Variants in CAPN8 observed in about 807,000 individuals in gnomAD.
CAPN8 encodes the protein calpain-8.
In CAPN8, 87 loss-of-function variants were observed where a neutral mutation model predicts 80.9. The ratio of observed to expected loss-of-function variants is 1.07; its 90% CI spans 0.90 to 1.28. The LOEUF (loss-of-function observed/expected upper bound fraction) is 1.28, where lower values mean the gene tolerates loss of function less well. Ranked by LOEUF, CAPN8 falls within the 50% of genes most tolerant of loss-of-function variation. The pLI is 0.00. For synonymous variants in CAPN8, 299 were observed against 273.8 expected, an observed-to-expected ratio of 1.09 and a Z score of -0.91; for missense variants, 757 against 702.0, an observed-to-expected ratio of 1.08 and a Z score of -0.89.
At position 223,641,652 on chromosome 1, in the gene CAPN8, A is replaced by C. The variant is rs559241644; in HGVS notation, c.307+12678T>G. Among the ~76,000 whole-genome samples, 7 of 152,230 alleles carry C rather than the reference A, an allele frequency of 4.6e-5. No homozygotes were observed. In the South Asian group the frequency reaches 1.5e-3, roughly 32 times the overall value. On this transcript the variant is annotated intron_variant, in intron 2 of 20. Coordinates refer to ENST00000366872, the MANE Select transcript of CAPN8 (RefSeq NM_001143962.2). ...CTCCCTCTCCACTCTCAGCCTTTGC[A>C]CTAACTGTTCCCTGTTTGCACCAGT...
chr1:223,617,167 G>GA (rs1312255681), intron 9 of CAPN8: 7 of 151,816 alleles, frequency 4.6e-5, no homozygotes, highest in Non-Finnish European at 7.4e-5. Context: ...GTCTAACTTG[G>GA]AAAATAACAA....
intron 17 of CAPN8, 105 bp from the exon 18 acceptor site, chr1:223,544,955 A>G (rs1247816179): frequency 1.3e-6 from 2 of 1,527,442 alleles, no homozygotes; most frequent in Non-Finnish European, 1.8e-6. Context: ...GGACACTTTC[A>G]AAAGGAGACC....
chr1:223,543,845 A>G (rs867157295), intron 19 of CAPN8, among the ~76,000 whole-genome samples: 2 of 152,344 alleles, frequency 1.3e-5, no homozygotes, highest in South Asian at 4.1e-4. Flanking sequence ...TCTCCAAAAA[A>G]GGCATCCTCC....
At chr1:223,544,381 C>T (rs1656560741) in intron 18 of CAPN8, 198 bp from the exon 19 acceptor site, 6 of 591,890 alleles carry the variant, frequency 1.0e-5, no homozygotes, top group Non-Finnish European at 1.2e-5. Context: ...TACTCCTCAC[C>T]AAGATCAGCC....
chr1:223,552,109 A>C (rs1030243235), intron 14 of CAPN8, among the ~76,000 whole-genome samples: 2 of 152,184 alleles, frequency 1.3e-5, no homozygotes, highest in African/African-American at 4.8e-5. Flanking sequence ...CTTATTCATC[A>C]TGTGACTTTA....
At chr1:223,542,311 A>G (rs1024092291) in intron 20 of CAPN8, among the ~76,000 whole-genome samples, 3 of 151,894 alleles carry the variant, frequency 2.0e-5, no homozygotes, top group African/African-American at 7.3e-5. Flanking sequence ...GTGTGTGTAT[A>G]TATGTATATT....
intron 1 of CAPN8, among the ~76,000 whole-genome samples, 191 bp from the exon 2 acceptor site, chr1:223,654,590 G>A (rs1403512855): frequency 1.3e-5 from 2 of 152,234 alleles, no homozygotes; most frequent in African/African-American, 4.8e-5. Flanking sequence ...CAGTCACACA[G>A]CCAGGGGTGA....
intron 15 of CAPN8, 64 bp downstream of exon 15, chr1:223,550,896 C>T (rs1374104744): frequency 1.4e-6 from 1 of 704,578 alleles, no homozygotes; most frequent in African/African-American, 1.8e-5. Context: ...GCCTGCCTAC[C>T]CATCCCTCAC....
At position 223,616,141 on chromosome 1, in the gene CAPN8, C is replaced by CGTG; in HGVS notation, c.1137_1139dup (p.Thr380dup). On this transcript the variant is annotated inframe_insertion, in exon 10 of 21. Transcript: ENST00000366872. ...TTTTGAACTGGGGATTGGTCCAGTACGTGGCTGGAAGTCACCCAGGTGATG... is the reference window on the plus strand; with the variant it reads ...TTTTGAACTGGGGATTGGTCCAGTACGTGGTGGCTGGAAGTCACCCAGGTGATG... The CGTG allele has an allele frequency of 1.3e-6, 2 of 1,546,494 alleles. No individual in the cohort carries two copies. The highest frequency in any genetic ancestry group is 1.8e-6 in the Non-Finnish European group (2 of 1,142,768).
intron 2 of CAPN8, among the ~76,000 whole-genome samples, chr1:223,652,455 T>C (rs1331691024): frequency 6.6e-6 from 1 of 152,152 alleles, no homozygotes; most frequent in African/African-American, 2.4e-5. Flanking sequence ...CATTAATCCA[T>C]ATCAGGCCCC....
intron 2 of CAPN8, among the ~76,000 whole-genome samples, chr1:223,635,278 C>T (rs897378396): frequency 2.6e-5 from 4 of 152,202 alleles, no homozygotes; most frequent in Non-Finnish European, 2.9e-5. Flanking sequence ...TTGGTGAACA[C>T]GCCTTTTGAA....
Position 223,609,282 on chromosome 1 carries a change from T to C in CAPN8, c.1406A>G (p.Asn469Ser). The C allele has an allele frequency of 2.5e-6, 1 of 398,432 alleles. No individual in the cohort carries two copies. Among genetic ancestry groups the C allele is most frequent in the Non-Finnish European group, 4.4e-6 (1 of 226,062 alleles). 24.7% of individuals were successfully genotyped at this position (398,432 alleles called of 1,614,324 possible). ...GGCCCGGCCAGAGACCTCCCGCAGG[T>C]TGACGTAGGTGCTGGTGCGGGCTGA... ...QPSARTSTYVNLREVSGRARL... is the reference protein window; with the variant it reads ...QPSARTSTYVSLREVSGRARL... Residue 469 changes from asparagine (N) to serine (S), a missense_variant, in exon 12 of 21, where the codon AAC becomes AGC. Physicochemically the swap from Asn to Ser is conservative, Grantham distance 46. Transcript: ENST00000366872.
chr1:223,549,628 C>G (rs1243567999), intron 15 of CAPN8: 1 of 640,198 alleles, frequency 1.6e-6, no homozygotes, highest in Non-Finnish European at 2.8e-6. Flanking sequence ...GCTTGGCTCC[C>G]CACAAGCCAC....
rs1375086038 is a variant in CAPN8 at position 223,627,041 on chromosome 1, T to C, written c.677A>G (p.Gln226Arg). 1.3e-6 allele frequency: 2 copies of C among 1,551,898 alleles called. No individual in the cohort carries two copies. The highest frequency in any genetic ancestry group is 1.7e-6 in the Non-Finnish European group (2 of 1,147,074). The change falls in exon 5 of 21, where the codon CAG (glutamine) becomes CGG (arginine). Residue 226 changes from glutamine to arginine, a missense_variant. Physicochemically the swap from Gln to Arg is conservative, Grantham distance 43. Coordinates refer to ENST00000366872, the MANE Select transcript of CAPN8 (RefSeq NM_001143962.2). ...DLKKPPANLY[Q>R]IIRKALCAGS... ...CGCACAGAGGGCCTTCCGGATGATCTGATATAGATTGGCTGGTGGTTTCTT... is the reference window on the plus strand; with the variant it reads ...CGCACAGAGGGCCTTCCGGATGATCCGATATAGATTGGCTGGTGGTTTCTT...
intron 6 of CAPN8, among the ~76,000 whole-genome samples, chr1:223,625,460 A>C (rs1657542256): frequency 6.6e-6 from 1 of 152,148 alleles, no homozygotes; most frequent in South Asian, 2.1e-4. Flanking sequence ...TTTAGAAAAA[A>C]AATTTTTAAT....
At chr1:223,652,897 G>A (rs1316404021) in intron 2 of CAPN8, among the ~76,000 whole-genome samples, 2 of 151,964 alleles carry the variant, frequency 1.3e-5, no homozygotes, top group African/African-American at 4.8e-5. Context: ...TTGGCAGCAC[G>A]CACTCACCAT....
chr1:223,654,996 G>A (rs1333727528), intron 1 of CAPN8, among the ~76,000 whole-genome samples: 1 of 152,036 alleles, frequency 6.6e-6, no homozygotes, highest in Non-Finnish European at 1.5e-5. Flanking sequence ...GACAGGACTA[G>A]TGTTTTAATA....
At chr1:223,638,975 C>T (rs1657978448) in intron 2 of CAPN8, among the ~76,000 whole-genome samples, 1 of 152,250 alleles carries the variant, frequency 6.6e-6, no homozygotes, top group African/African-American at 2.4e-5. Context: ...TGAGGTGGCT[C>T]ATGCCTGTAA....
chr1:223,554,818 A>G (rs1656869398), intron 13 of CAPN8, among the ~76,000 whole-genome samples: 1 of 152,242 alleles, frequency 6.6e-6, no homozygotes, highest in Non-Finnish European at 1.5e-5. Context: ...TTTAGGAATC[A>G]AATGAGAGCT....
Sources: allele counts gnomAD v4.1 joint callset (sites outside exome capture counted in the v4.1 genomes callset), GRCh38; gene constraint gnomAD v4.1.1; transcripts MANE v1.5; gene names NCBI Gene and HGNC (gene_info 2026-07-23, HGNC 2026-07-21).